ADGRB3: variants seen among roughly 807,000 people sequenced by gnomAD.
ADGRB3 encodes the protein brain-specific angiogenesis inhibitor 3.
In ADGRB3, 37 loss-of-function variants were observed where a neutral mutation model predicts 193.4. That is an observed-to-expected ratio of 0.19 (90% confidence interval 0.15 to 0.25). ADGRB3 has a LOEUF of 0.25. ADGRB3 is among the 10% of genes least tolerant of loss of function. ADGRB3 has a pLI of 1.00. For missense variants in ADGRB3, 1,637 were observed against 1,852.9 expected (o/e 0.88, Z 2.14); for synonymous variants, 690 against 644.2 (o/e 1.07, Z -1.08).
Position 69,076,120 on chromosome 6 carries a change from C to T in ADGRB3, c.2480+82C>T. On this transcript the variant is annotated intron_variant, in intron 17 of 31. Coordinates refer to ENST00000370598, the MANE Select transcript of ADGRB3 (RefSeq NM_001704.3). ...GTTAGTTCAGCTGCCTGCTAGTTAA[C>T]AGGAATATAAGTCAGTGGGATGTTG... 3.3e-6 allele frequency: 4 copies of T among 1,228,712 alleles called. No individual in the cohort carries two copies. In the South Asian group the frequency reaches 5.1e-5, roughly 16 times the overall value. 76.1% of individuals were successfully genotyped at this position (1,228,712 alleles called of 1,614,324 possible).
intron 17 of ADGRB3, among the ~76,000 whole-genome samples, chr6:69,184,367 T>G (rs2150352584): frequency 6.6e-6 from 1 of 152,154 alleles, no homozygotes; most frequent in East Asian, 1.9e-4. Flanking sequence ...TTTTCTTCCC[T>G]CCAACGCTAA....
At chr6:69,114,782 G>C (rs1773478686) in intron 17 of ADGRB3, among the ~76,000 whole-genome samples, 1 of 152,212 alleles carries the variant, frequency 6.6e-6, no homozygotes, top group South Asian at 2.1e-4. Flanking sequence ...TTTCCCCATT[G>C]CTTCTTTTTG....
In ADGRB3 at chr6:69,235,152, T is replaced by A; in HGVS notation, c.2711+17T>A. Reference sequence around the variant, plus strand: ...ATTATGGAGGTAAGTAATCAATTGATAGACCTGAAATGCAATGCTTAGTTG... The same window carrying A: ...ATTATGGAGGTAAGTAATCAATTGAAAGACCTGAAATGCAATGCTTAGTTG... On this transcript the variant is annotated intron_variant, in intron 19 of 31. Transcript: ENST00000370598. 6.5e-7 allele frequency: 1 copy of A among 1,538,698 alleles called. No homozygotes were observed. Among genetic ancestry groups the A allele is most frequent in the Non-Finnish European group, 9.0e-7 (1 of 1,114,276 alleles).
At chr6:69,220,866 T>C (rs1765878896) in intron 17 of ADGRB3, among the ~76,000 whole-genome samples, 1 of 152,132 alleles carries the variant, frequency 6.6e-6, no homozygotes, top group African/African-American at 2.4e-5. Flanking sequence ...AGAAATGGAA[T>C]GATGCATTCT....
chr6:69,224,554 A>G (rs1765969155), intron 17 of ADGRB3, among the ~76,000 whole-genome samples: 1 of 152,202 alleles, frequency 6.6e-6, no homozygotes, highest in African/African-American at 2.4e-5. Flanking sequence ...TTGAAAAGAA[A>G]TGAGAGAAAA....
chr6:68,820,214 T>G (rs1160877713), intron 3 of ADGRB3, among the ~76,000 whole-genome samples: 1 of 152,004 alleles, frequency 6.6e-6, no homozygotes. Flanking sequence ...GTTTTCTCTC[T>G]TTACAAAACT....
At chr6:69,120,643 A>T (rs1338843357) in intron 17 of ADGRB3, among the ~76,000 whole-genome samples, 1 of 152,254 alleles carries the variant, frequency 6.6e-6, no homozygotes, top group Non-Finnish European at 1.5e-5. Context: ...CCCTGTAAGT[A>T]CTAGAGAGGG....
chr6:69,272,461 T>C (rs1767200371), intron 20 of ADGRB3, among the ~76,000 whole-genome samples: 1 of 152,166 alleles, frequency 6.6e-6, no homozygotes, highest in African/African-American at 2.4e-5. Context: ...ATTTGACATA[T>C]AAATAAAATT....
At chr6:68,799,875 A>C (rs1767279302) in intron 3 of ADGRB3, among the ~76,000 whole-genome samples, 2 of 152,204 alleles carry the variant, frequency 1.3e-5, no homozygotes, top group South Asian at 4.1e-4. Flanking sequence ...CAAAGTGTGA[A>C]AATAGGGTAG....
At chr6:68,799,323 A>C (rs1321699668) in intron 3 of ADGRB3, among the ~76,000 whole-genome samples, 1 of 152,172 alleles carries the variant, frequency 6.6e-6, no homozygotes, top group Non-Finnish European at 1.5e-5. Context: ...TGAGAAACAC[A>C]GAATCTTATA....
intron 6 of ADGRB3, among the ~76,000 whole-genome samples, chr6:68,946,744 C>G (rs563891706): frequency 6.6e-6 from 1 of 152,164 alleles, no homozygotes; most frequent in South Asian, 2.1e-4. Flanking sequence ...TAATAATGGG[C>G]AGTGACATTT....
chr6:68,738,241 A>C (rs1483332719), intron 3 of ADGRB3, among the ~76,000 whole-genome samples: 1 of 152,172 alleles, frequency 6.6e-6, no homozygotes, highest in Admixed American at 6.6e-5. Context: ...GCTTGTGCAA[A>C]CTGATAGCAG....
At chr6:68,908,011 C>T (rs1204278069) in intron 3 of ADGRB3, among the ~76,000 whole-genome samples, 1 of 151,664 alleles carries the variant, frequency 6.6e-6, no homozygotes, top group African/African-American at 2.4e-5. Context: ...AATATTTCTC[C>T]TGTTTCTTGC....
At chr6:68,995,187 C>T (rs1468533040) in intron 11 of ADGRB3, among the ~76,000 whole-genome samples, 1 of 152,116 alleles carries the variant, frequency 6.6e-6, no homozygotes, top group African/African-American at 2.4e-5. Flanking sequence ...AGATGAAACA[C>T]TTTTTTTCCT....
chr6:68,949,238 AAG>A (rs540323649), intron 6 of ADGRB3, among the ~76,000 whole-genome samples: 279 of 152,186 alleles, frequency 1.8e-3, no homozygotes, highest in Non-Finnish European at 3.4e-3. Context: ...TTTTGCTAGG[AAG>A]AAATACCCTC....
At chr6:68,921,903 T>A (rs2150242571) in intron 3 of ADGRB3, among the ~76,000 whole-genome samples, 1 of 152,188 alleles carries the variant, frequency 6.6e-6, no homozygotes, top group South Asian at 2.1e-4. Flanking sequence ...GTGACGTGGC[T>A]TTTGTGTCCA....
At chr6:69,328,566 A>G (rs1188501674) in intron 22 of ADGRB3, among the ~76,000 whole-genome samples, 1 of 152,150 alleles carries the variant, frequency 6.6e-6, no homozygotes, top group Non-Finnish European at 1.5e-5. Context: ...AGAAATGTGC[A>G]TCTTATTAAA....
chr6:68,851,144 G>A (rs1435757388), intron 3 of ADGRB3, among the ~76,000 whole-genome samples: 3 of 151,870 alleles, frequency 2.0e-5, no homozygotes, highest in Admixed American at 6.6e-5. Flanking sequence ...AACGTGTTTA[G>A]CCTCTTCCTA....
intron 3 of ADGRB3, among the ~76,000 whole-genome samples, chr6:68,846,261 A>T (rs1181727304): frequency 6.6e-6 from 1 of 152,238 alleles, no homozygotes; most frequent in Non-Finnish European, 1.5e-5. Flanking sequence ...TAAGGGAAGT[A>T]GAGCATAAAA....
Sources: gnomAD v4.1 joint callset for allele counts (sites outside exome capture counted in the v4.1 genomes callset) on GRCh38, gnomAD v4.1.1 for gene constraint, MANE v1.5 for transcripts, NCBI Gene and HGNC (gene_info 2026-07-23, HGNC 2026-07-21) for gene names.